DPP10: variants seen among roughly 807,000 people sequenced by gnomAD.
DPP10 encodes inactive dipeptidyl peptidase 10.
In DPP10, 33 loss-of-function variants were observed where a neutral mutation model predicts 120.9. The observed-to-expected ratio is 0.27, with a 90% CI of 0.21 to 0.37. The LOEUF (loss-of-function observed/expected upper bound fraction) is 0.37, where lower values mean the gene tolerates loss of function less well. DPP10 is among the 10% of genes least tolerant of loss of function. The probability of loss-of-function intolerance (pLI) is 1.00; values close to 1 mark genes in which losing one functional copy is unlikely to be tolerated. For missense variants in DPP10, 816 were observed against 942.8 expected, an observed-to-expected ratio of 0.87 and a Z score of 1.76; for synonymous variants, 337 against 326.1, an observed-to-expected ratio of 1.03 and a Z score of -0.36.
intron 3 of DPP10, among the ~76,000 whole-genome samples, chr2:115,393,183 C>T (rs987081746): frequency 3.1e-4 from 47 of 151,770 alleles, no homozygotes; most frequent in African/African-American, 1.0e-3. Flanking sequence ...CATGGTAGTG[C>T]GTGCTTGTGA....
chr2:115,121,020 C>T (rs2049796900), intron 1 of DPP10, among the ~76,000 whole-genome samples: 1 of 152,182 alleles, frequency 6.6e-6, no homozygotes, highest in Admixed American at 6.5e-5. Flanking sequence ...CAAGGGATTG[C>T]TCAGTTAGAT....
chr2:114,820,902 G>A (rs566552948), intron 1 of DPP10, among the ~76,000 whole-genome samples: 2 of 152,276 alleles, frequency 1.3e-5, no homozygotes, highest in East Asian at 3.9e-4. Flanking sequence ...ATATGTCTCC[G>A]ATGAGTGGAG....
At chr2:114,963,773 G>C (rs575411660) in intron 1 of DPP10, among the ~76,000 whole-genome samples, 2 of 152,098 alleles carry the variant, frequency 1.3e-5, no homozygotes, top group Non-Finnish European at 2.9e-5. Context: ...GGGTCGTGTC[G>C]CAAGGGATTT....
At chr2:115,441,422 A>G (rs1178665717) in intron 3 of DPP10, among the ~76,000 whole-genome samples, 1 of 152,172 alleles carries the variant, frequency 6.6e-6, no homozygotes, top group African/African-American at 2.4e-5. Context: ...GAAGTTGGAA[A>G]GGACTTTTTA....
At chr2:114,626,227 A>G (rs1435077415) in intron 1 of DPP10, among the ~76,000 whole-genome samples, 1 of 151,854 alleles carries the variant, frequency 6.6e-6, no homozygotes, top group East Asian at 1.9e-4. Context: ...TATCAAAAAC[A>G]CAGTTTATGG....
At chr2:114,946,874 C>G (rs1369917564) in intron 1 of DPP10, among the ~76,000 whole-genome samples, 3 of 151,880 alleles carry the variant, frequency 2.0e-5, no homozygotes, top group Non-Finnish European at 4.4e-5. Flanking sequence ...ATTATTCTTC[C>G]TTTAAATATT....
chr2:115,017,850 T>C (rs1217199315), intron 1 of DPP10, among the ~76,000 whole-genome samples: 1 of 149,070 alleles, frequency 6.7e-6, no homozygotes, highest in Non-Finnish European at 1.5e-5. Context: ...ACAGGGCCTG[T>C]TGTGGGGTGG....
intron 13 of DPP10, among the ~76,000 whole-genome samples, chr2:115,771,317 A>C (rs1159802901): frequency 1.3e-5 from 2 of 151,902 alleles, no homozygotes; most frequent in African/African-American, 4.8e-5. Flanking sequence ...CAGGTGATCC[A>C]CCTGCTTCAG....
At chr2:115,676,684 C>T (rs570458518) in intron 5 of DPP10, among the ~76,000 whole-genome samples, 8 of 152,138 alleles carry the variant, frequency 5.3e-5, no homozygotes, top group African/African-American at 9.6e-5. Context: ...AGCAGGACTA[C>T]GGGACGTATA....
At position 114,498,879 on chromosome 2, in the gene DPP10, C is replaced by T. The variant is rs183479761; in HGVS notation, c.60+56041C>T. 2.1e-3 allele frequency among the ~76,000 whole-genome samples: 325 copies of T among 152,250 alleles called. 5 individuals are homozygous for T. The highest frequency in any genetic ancestry group is 0.017 in the Middle Eastern group (5 of 294). On this transcript the variant is annotated intron_variant, in intron 1 of 25. Transcript: ENST00000410059. ...TGTCCATGTAGCTATTCACAATAGT[C>T]AAGACATGGAACCAACCTTAAGTGT...
intron 1 of DPP10, among the ~76,000 whole-genome samples, chr2:115,165,086 T>C (rs958891947): frequency 6.6e-6 from 1 of 152,228 alleles, no homozygotes; most frequent in African/African-American, 2.4e-5. Flanking sequence ...CAATTAACAT[T>C]GAAAGAGCTA....
intron 3 of DPP10, among the ~76,000 whole-genome samples, chr2:115,462,110 G>A (rs843427): frequency 0.83 from 125,915 of 152,120 alleles, 55,178 homozygotes; most frequent in Non-Finnish European, 0.97. Flanking sequence ...TGAACTCCCT[G>A]TTGTTCCTCA....
intron 3 of DPP10, among the ~76,000 whole-genome samples, chr2:115,413,862 G>T (rs2069147589): frequency 6.6e-6 from 1 of 152,122 alleles, no homozygotes; most frequent in Non-Finnish European, 1.5e-5. Context: ...GCCTGTGTTT[G>T]TAACCATTTG....
chr2:115,440,358 G>A (rs2071916082), intron 3 of DPP10, among the ~76,000 whole-genome samples: 1 of 152,138 alleles, frequency 6.6e-6, no homozygotes, highest in African/African-American at 2.4e-5. Flanking sequence ...GAGCCATGCA[G>A]AGCTGCATTT....
At chr2:115,657,414 A>C (rs73946586) in intron 5 of DPP10, among the ~76,000 whole-genome samples, 25,694 of 151,678 alleles carry the variant, frequency 0.17, 2,355 homozygotes, top group African/African-American at 0.22. Flanking sequence ...ATTTCTTTTA[A>C]TTTATGAAAC....
At chr2:115,226,448 T>C (rs2105454271) in intron 1 of DPP10, among the ~76,000 whole-genome samples, 1 of 152,322 alleles carries the variant, frequency 6.6e-6, no homozygotes, top group Non-Finnish European at 1.5e-5. Context: ...TAATGTGGCT[T>C]TATTCCATGT....
At chr2:115,521,605 ATT>A (rs79361161) in intron 4 of DPP10, among the ~76,000 whole-genome samples, 1 of 143,538 alleles carries the variant, frequency 7.0e-6, no homozygotes, top group Non-Finnish European at 1.5e-5. Flanking sequence ...TCTAATCCTT[ATT>A]TTTTTTTTTT....
intron 1 of DPP10, among the ~76,000 whole-genome samples, chr2:115,081,482 A>T (rs1230106414): frequency 6.6e-6 from 1 of 152,162 alleles, no homozygotes; most frequent in Admixed American, 6.5e-5. Flanking sequence ...GTCTGTTTCT[A>T]TGGTTCCCTG....
chr2:114,965,221 C>G (rs1274876701), intron 1 of DPP10, among the ~76,000 whole-genome samples: 3 of 152,086 alleles, frequency 2.0e-5, no homozygotes, highest in African/African-American at 7.2e-5. Flanking sequence ...ACTGCAACCT[C>G]TGCCTCCCGG....
Sources: allele counts gnomAD v4.1 joint callset (sites outside exome capture counted in the v4.1 genomes callset), GRCh38; gene constraint gnomAD v4.1.1; transcripts MANE v1.5; gene names NCBI Gene and HGNC (gene_info 2026-07-23, HGNC 2026-07-21).